The following TRIO variants were observed in gnomAD, a reference collection of about 807,000 sequenced individuals.
TRIO encodes triple functional domain protein.
In TRIO, 58 loss-of-function variants were observed where a neutral mutation model predicts 351.9. The ratio of observed to expected loss-of-function variants is 0.16; its 90% CI spans 0.13 to 0.21. The LOEUF (loss-of-function observed/expected upper bound fraction) is 0.21, where lower values mean the gene tolerates loss of function less well. Among genes scored for constraint, TRIO ranks in the 10% least tolerant of loss-of-function variants. The probability of loss-of-function intolerance (pLI) is 1.00; values close to 1 mark genes in which losing one functional copy is unlikely to be tolerated. For missense variants in TRIO, 3,201 were observed against 4,027.8 expected (o/e 0.79, Z 5.56); for synonymous variants, 1,758 against 1,595.7 (o/e 1.10, Z -2.42).
intron 9 of TRIO, among the ~76,000 whole-genome samples, chr5:14,320,120 G>T (rs1393786227): frequency 4.9e-3 from 1 of 206 alleles, no homozygotes; most frequent in African/African-American, 0.018. Flanking sequence ...CTAATGATCA[G>T]ATATATACAT....
chr5:14,391,390 A>G (rs1747071824), intron 27 of TRIO, among the ~76,000 whole-genome samples: 1 of 152,228 alleles, frequency 6.6e-6, no homozygotes. Flanking sequence ...ATAAATGTGA[A>G]TCTTTTTATT....
chr5:14,223,427 C>T (rs1792776105), intron 1 of TRIO, among the ~76,000 whole-genome samples: 1 of 152,162 alleles, frequency 6.6e-6, no homozygotes, highest in Admixed American at 6.5e-5. Context: ...AGCAGGCTCT[C>T]CTTCCCCATA....
chr5:14,182,459 C>T (rs1013865838), intron 1 of TRIO, among the ~76,000 whole-genome samples: 3 of 152,178 alleles, frequency 2.0e-5, no homozygotes, highest in African/African-American at 4.8e-5. Context: ...AAATGATTGC[C>T]TTATCAAATA....
At chr5:14,156,688 G>A (rs1245017736) in intron 1 of TRIO, among the ~76,000 whole-genome samples, 1 of 152,162 alleles carries the variant, frequency 6.6e-6, no homozygotes, top group African/African-American at 2.4e-5. Flanking sequence ...ATTTGAGAAT[G>A]CTAACCCACA....
intron 1 of TRIO, among the ~76,000 whole-genome samples, chr5:14,182,263 C>T (rs576638658): frequency 5.9e-5 from 9 of 152,300 alleles, no homozygotes; most frequent in East Asian, 5.8e-4. Context: ...AGAGAGTGCA[C>T]GTCCTCCTAT....
At chr5:14,290,018 T>G (rs1719063407) in intron 4 of TRIO, among the ~76,000 whole-genome samples, 1 of 152,222 alleles carries the variant, frequency 6.6e-6, no homozygotes, top group Admixed American at 6.5e-5. Flanking sequence ...TCCTTAGCTC[T>G]GTCAAATGAG....
chr5:14,389,440 A>C, intron 25 of TRIO, 42 bp downstream of exon 25: 3 of 1,426,944 alleles, frequency 2.1e-6, no homozygotes, highest in Non-Finnish European at 2.9e-6. Flanking sequence ...CTTGAAATCC[A>C]TGTGCTGAAG....
intron 11 of TRIO, among the ~76,000 whole-genome samples, chr5:14,347,822 A>T (rs1742566889): frequency 6.6e-6 from 1 of 152,230 alleles, no homozygotes; most frequent in South Asian, 2.1e-4. Context: ...TATCAAATCT[A>T]GACAAGGGCC....
intron 7 of TRIO, among the ~76,000 whole-genome samples, chr5:14,297,988 G>A (rs1011890732): frequency 2.6e-5 from 4 of 152,310 alleles, no homozygotes; most frequent in Non-Finnish European, 1.5e-5. Context: ...GTCTTGGGGT[G>A]CACATCCATG....
chr5:14,161,819 T>G (rs192685995), intron 1 of TRIO, among the ~76,000 whole-genome samples: 273 of 152,320 alleles, frequency 1.8e-3, no homozygotes, highest in Non-Finnish European at 2.8e-3. Flanking sequence ...CTTCACCTTG[T>G]GGGCTCAGGC....
At position 14,406,200 on chromosome 5, in the gene TRIO, G is replaced by A. The variant is rs531838918; in HGVS notation, c.4859+210G>A. Reference sequence around the variant, plus strand: ...TGGCTTAGAGTAAACGAAGGGCTGTGTGCAAACCTCTCATTGTTTTGCCTT... The same window carrying A: ...TGGCTTAGAGTAAACGAAGGGCTGTATGCAAACCTCTCATTGTTTTGCCTT... On this transcript the variant is annotated intron_variant, in intron 32 of 56. Transcript: ENST00000344204. The A allele has an allele frequency of 3.4e-5, 25 of 730,302 alleles. 1 individual carries two copies. Among genetic ancestry groups the A allele is most frequent in the South Asian group, 1.4e-4 (7 of 50,872 alleles). The allele number at this position is 730,302 out of a possible 1,614,324, so 45.2% of individuals were successfully genotyped here.
intron 45 of TRIO, 153 bp downstream of exon 45, chr5:14,481,771 CTTTTTTTTTT>C (rs34046917): frequency 7.9e-5 from 15 of 189,348 alleles, no homozygotes; most frequent in East Asian, 1.4e-4. Flanking sequence ...ATTTTATTTC[CTTTTTTTTTT>C]TTTTTTTTTT....
At chr5:14,443,626 A>G (rs573376932) in intron 34 of TRIO, among the ~76,000 whole-genome samples, 14 of 152,362 alleles carry the variant, frequency 9.2e-5, no homozygotes, top group Admixed American at 3.3e-4. Flanking sequence ...ACTTTGGGAA[A>G]AGGCAGTTTT....
chr5:14,400,366 A>C lies in TRIO; in HGVS notation c.4615-597A>C, dbSNP rs114007499. On this transcript the variant is annotated intron_variant, in intron 30 of 56. Transcript: ENST00000344204. The stretch of plus-strand genomic sequence containing the variant: ...AATCACTTCCTTTGCTGGGGTGGAG[A>C]ATGCATCAGGGGGACCTTGACTGTG... 9.9e-3 allele frequency among the ~76,000 whole-genome samples: 1,510 copies of C among 152,016 alleles called. 25 individuals are homozygous for C. The highest frequency in any genetic ancestry group is 0.035 in the African/African-American group (1,440 of 41,436).
At chr5:14,478,726 G>A (rs1755281715) in intron 41 of TRIO, among the ~76,000 whole-genome samples, 1 of 150,908 alleles carries the variant, frequency 6.6e-6, no homozygotes, top group African/African-American at 2.4e-5. Context: ...GCCAAGGCAG[G>A]AGGGTTGCTG....
chr5:14,196,458 G>A (rs1790777981), intron 1 of TRIO, among the ~76,000 whole-genome samples: 1 of 151,602 alleles, frequency 6.6e-6, no homozygotes, highest in African/African-American at 2.4e-5. Context: ...GCTGTGAGTG[G>A]TGGAAATCAC....
intron 36 of TRIO, 101 bp downstream of exon 36, chr5:14,463,026 C>T: frequency 7.2e-7 from 1 of 1,390,160 alleles, no homozygotes; most frequent in South Asian, 1.6e-5. Context: ...GACAGGAGGC[C>T]CCAAGATGTG....
intron 1 of TRIO, among the ~76,000 whole-genome samples, chr5:14,158,424 A>C (rs571037020): frequency 1.6e-5 from 2 of 122,112 alleles, no homozygotes; most frequent in South Asian, 5.5e-4. Flanking sequence ...ACTCCGCCTC[A>C]AAAAAAAAAA....
At chr5:14,221,181 T>G (rs1288066033) in intron 1 of TRIO, among the ~76,000 whole-genome samples, 1 of 152,124 alleles carries the variant, frequency 6.6e-6, no homozygotes, top group Non-Finnish European at 1.5e-5. Context: ...GACAGCATGG[T>G]TTACTGTTTT....
Sources: gnomAD v4.1 joint callset for allele counts (sites outside exome capture counted in the v4.1 genomes callset) on GRCh38, gnomAD v4.1.1 for gene constraint, MANE v1.5 for transcripts, NCBI Gene and HGNC (gene_info 2026-07-23, HGNC 2026-07-21) for gene names.